Variants in METAP1 observed in about 807,000 individuals in gnomAD.
The protein encoded by METAP1 is methionine aminopeptidase 1.
A neutral mutation model predicts 53.8 loss-of-function variants in METAP1; 28 were observed. The observed-to-expected ratio is 0.52, with a 90% CI of 0.39 to 0.71. The LOEUF (loss-of-function observed/expected upper bound fraction) is 0.71, where lower values mean the gene tolerates loss of function less well. Ranked by LOEUF, METAP1 falls within the 30% of genes least tolerant of loss-of-function variation. The probability of loss-of-function intolerance (pLI) is 0.00; values close to 1 mark genes in which losing one functional copy is unlikely to be tolerated. For synonymous variants in METAP1, 181 were observed against 165.7 expected, an observed-to-expected ratio of 1.09 and a Z score of -0.71; for missense variants, 389 against 479.8, an observed-to-expected ratio of 0.81 and a Z score of 1.77.
chr4:99,016,272 A>T (rs1723761329), intron 1 of METAP1, among the ~76,000 whole-genome samples: 1 of 152,220 alleles, frequency 6.6e-6, no homozygotes, highest in African/African-American at 2.4e-5. Flanking sequence ...AACATTTCAT[A>T]GGGGGATGAA....
chr4:99,024,601 A>G (rs1724421317), intron 1 of METAP1, among the ~76,000 whole-genome samples: 1 of 152,214 alleles, frequency 6.6e-6, no homozygotes, highest in African/African-American at 2.4e-5. Context: ...TGATCCATCA[A>G]GTGCAGAGTC....
chr4:99,029,944 G>A (rs1724877849), intron 2 of METAP1, among the ~76,000 whole-genome samples: 1 of 152,080 alleles, frequency 6.6e-6, no homozygotes, highest in East Asian at 1.9e-4. Context: ...TTAGAGATGA[G>A]GAAAAATGAT....
chr4:99,013,926 T>C (rs1357840149), intron 1 of METAP1, among the ~76,000 whole-genome samples: 1 of 152,220 alleles, frequency 6.6e-6, no homozygotes, highest in Non-Finnish European at 1.5e-5. Flanking sequence ...TTCAATTCCC[T>C]CCTCTTTTTG....
At chr4:99,015,667 G>A (rs892594153) in intron 1 of METAP1, among the ~76,000 whole-genome samples, 1 of 152,170 alleles carries the variant, frequency 6.6e-6, no homozygotes, top group African/African-American at 2.4e-5. Context: ...TCGCATCTAT[G>A]GGAGTGAGAG....
intron 1 of METAP1, chr4:99,026,740 AT>A: frequency 1.0e-6 from 1 of 985,442 alleles, no homozygotes; most frequent in Non-Finnish European, 1.2e-6. Context: ...GAGAAGGCAC[AT>A]TATTTAGGCT....
chr4:99,037,651 C>T (rs971049585), intron 4 of METAP1: 1 of 151,828 alleles, frequency 6.6e-6, no homozygotes, highest in Non-Finnish European at 1.5e-5. Flanking sequence ...GGATTCTATT[C>T]TGTTTTATTA....
chr4:99,017,807 A>G (rs1723864535), intron 1 of METAP1, among the ~76,000 whole-genome samples: 2 of 152,260 alleles, frequency 1.3e-5, no homozygotes, highest in Non-Finnish European at 2.9e-5. Context: ...ATTGGCTGCC[A>G]CAGACTGGAT....
At chr4:99,023,853 A>G (rs573981133) in intron 1 of METAP1, 19 of 855,972 alleles carry the variant, frequency 2.2e-5, no homozygotes, top group Non-Finnish European at 2.2e-5. Context: ...TATCAAGACA[A>G]GGGAATTGCA....
intron 9 of METAP1, among the ~76,000 whole-genome samples, chr4:99,052,007 A>G (rs778039334): frequency 2.0e-5 from 3 of 152,228 alleles, no homozygotes; most frequent in Non-Finnish European, 4.4e-5. Flanking sequence ...CTGTACAGGC[A>G]TACCTCAGAG....
At chr4:99,041,607 C>T (rs1230185) in intron 6 of METAP1, among the ~76,000 whole-genome samples, 119,252 of 151,854 alleles carry the variant, frequency 0.79, 47,313 homozygotes, top group East Asian at 0.99. Flanking sequence ...ACCTTAAGAC[C>T]TTATTAGATG....
intron 4 of METAP1, among the ~76,000 whole-genome samples, chr4:99,037,580 TG>T (rs1478844459): frequency 6.6e-6 from 1 of 151,998 alleles, no homozygotes; most frequent in Non-Finnish European, 1.5e-5. Context: ...CTTTCCTTAT[TG>T]ATTTGAAGTG....
rs1017090227 is a variant in METAP1 at position 99,061,447 on chromosome 4, C to A, written c.*130C>A. 6 of 803,028 alleles carry A rather than the reference C, an allele frequency of 7.5e-6. No individual in the cohort carries two copies. The highest frequency in any genetic ancestry group is 7.1e-5 in the African/African-American group (4 of 56,330). The allele number at this position is 803,028 out of a possible 1,614,324, so 49.7% of individuals were successfully genotyped here. A position where few individuals can be genotyped will look rare whatever the true frequency, so the allele number is the denominator to read the frequency against. The stretch of plus-strand genomic sequence containing the variant: ...GACTATAGATAAGAAAGGACTACAG[C>A]ATTTGATGTGTGTCCTCAAGAACTT... On this transcript the variant is annotated 3_prime_UTR_variant, in exon 11 of 11. Coordinates refer to ENST00000296411, the MANE Select transcript of METAP1 (RefSeq NM_015143.3).
intron 1 of METAP1, among the ~76,000 whole-genome samples, chr4:99,002,989 G>A (rs887169510): frequency 1.1e-4 from 17 of 152,202 alleles, no homozygotes; most frequent in African/African-American, 4.1e-4. Flanking sequence ...AGAATCTCTT[G>A]AACCTGAGAG....
At chr4:99,023,945 G>A (rs769318159) in intron 1 of METAP1, 9 of 264,606 alleles carry the variant, frequency 3.4e-5, no homozygotes, top group African/African-American at 1.4e-4. Flanking sequence ...CTCCTCGAGC[G>A]TTTGGGTAAG....
intron 1 of METAP1, among the ~76,000 whole-genome samples, chr4:99,005,577 A>G (rs1723136146): frequency 6.6e-6 from 1 of 152,214 alleles, no homozygotes; most frequent in African/African-American, 2.4e-5. Context: ...CTGGGTATCT[A>G]TCCAAAGGAA....
intron 4 of METAP1, 49 bp from the exon 5 acceptor site, chr4:99,039,322 ATAC>A: frequency 9.5e-7 from 1 of 1,049,242 alleles, no homozygotes; most frequent in East Asian, 2.4e-5. Flanking sequence ...ATGCAAATAA[ATAC>A]TACATCTTTG....
intron 1 of METAP1, chr4:99,022,970 G>A: frequency 6.8e-7 from 1 of 1,480,776 alleles, no homozygotes; most frequent in Admixed American, 2.0e-5. Context: ...TGGAAGTGTG[G>A]TGGGATATGG....
intron 9 of METAP1, among the ~76,000 whole-genome samples, chr4:99,053,813 G>A (rs2110417291): frequency 6.6e-6 from 1 of 152,084 alleles, no homozygotes; most frequent in South Asian, 2.1e-4. Context: ...CATTGTCAGT[G>A]AGCAGTAATA....
At chr4:99,015,960 G>A (rs888880324) in intron 1 of METAP1, among the ~76,000 whole-genome samples, 3 of 152,166 alleles carry the variant, frequency 2.0e-5, no homozygotes, top group Non-Finnish European at 2.9e-5. Flanking sequence ...TTCTTGACTC[G>A]AGTGTGATGG....
Sources: gnomAD v4.1 joint callset for allele counts (sites outside exome capture counted in the v4.1 genomes callset) on GRCh38, gnomAD v4.1.1 for gene constraint, MANE v1.5 for transcripts, NCBI Gene and HGNC (gene_info 2026-07-23, HGNC 2026-07-21) for gene names.